FAM227B: variants seen among roughly 807,000 people sequenced by gnomAD.
The protein encoded by FAM227B is family with sequence similarity 227 member B.
FAM227B carries 88 observed loss-of-function variants against 73.8 expected under a neutral mutation model. The ratio of observed to expected loss-of-function variants is 1.19; its 90% CI spans 1.00 to 1.42. FAM227B has a LOEUF of 1.42. Among genes scored for constraint, FAM227B ranks in the 40% most tolerant of loss-of-function variants. The pLI is 0.00. For synonymous variants in FAM227B, 210 were observed against 190.5 expected, an observed-to-expected ratio of 1.10 and a Z score of -0.84; for missense variants, 632 against 590.9, an observed-to-expected ratio of 1.07 and a Z score of -0.72.
intron 15 of FAM227B, chr15:49,329,584 T>C: frequency 1.0e-6 from 1 of 984,254 alleles, no homozygotes; most frequent in Non-Finnish European, 1.2e-6. Flanking sequence ...GCCAATATTC[T>C]ATTTAAAAAT....
chr15:49,579,051 C>G (rs182854774), intron 5 of FAM227B, among the ~76,000 whole-genome samples: 3 of 152,000 alleles, frequency 2.0e-5, no homozygotes, highest in African/African-American at 7.2e-5. Flanking sequence ...AAATGGCCTA[C>G]GAAAAACGTT....
intron 11 of FAM227B, among the ~76,000 whole-genome samples, chr15:49,392,536 G>C (rs1460758604): frequency 1.3e-5 from 2 of 152,122 alleles, no homozygotes; most frequent in Non-Finnish European, 2.9e-5. Flanking sequence ...GTGAGGTTGA[G>C]TAACAAGGCA....
rs142524027 is a variant in FAM227B, at chr15:49,511,288, C to T, written c.875-2940G>A. 2.4e-4 allele frequency among the ~76,000 whole-genome samples: 36 copies of T among 151,788 alleles called. No individual in the cohort carries two copies. The East Asian group carries it at 7.0e-3, about 29-fold the overall frequency. ...GTCTTTATTCTTTTTTGAAAATACA[C>T]ATTAAAGGCCATAAATTACCTTCCA... On this transcript the variant is annotated intron_variant, in intron 10 of 15. Transcript: ENST00000299338.
At chr15:49,527,188 T>A (rs1371547945) in intron 10 of FAM227B, among the ~76,000 whole-genome samples, 3 of 151,936 alleles carry the variant, frequency 2.0e-5, no homozygotes, top group East Asian at 3.8e-4. Context: ...AGATAATGCA[T>A]CACGGTCAAG....
At chr15:49,620,335 A>T (rs564899065) in intron 1 of FAM227B, 1 of 152,328 alleles carries the variant, frequency 6.6e-6, no homozygotes, top group East Asian at 1.9e-4. Context: ...AATTCAGAGT[A>T]GTCAATAAAA....
rs2071092595 is a variant in FAM227B at position 49,541,735 on chromosome 15, G to C, written c.819C>G (p.Leu273=). The C allele has an allele frequency of 6.5e-7, 1 of 1,544,726 alleles. No homozygotes were observed. The highest frequency in any genetic ancestry group is 1.9e-5 in the Admixed American group (1 of 52,788). The part of the protein sequence containing the change: ...FHEAFPESSY[L]FNDEFKEDLG... ...GATCTTCTTTAAATTCATCATTAAA[G>C]AGGTAACTCGATTCTGGAAATGCTT... is the stretch of plus-strand genomic sequence containing the variant. The change falls in exon 10 of 16, where the codon CTC becomes CTG. Residue 273 remains leucine, a synonymous_variant. Coordinates refer to ENST00000299338, the MANE Select transcript of FAM227B (RefSeq NM_152647.3).
chr15:49,361,874 G>A (rs1199152942), intron 13 of FAM227B, among the ~76,000 whole-genome samples: 3 of 152,082 alleles, frequency 2.0e-5, no homozygotes, highest in Non-Finnish European at 2.9e-5. Context: ...CAGTGTATAA[G>A]CATTCCTTTT....
At chr15:49,551,277 GGGAGA>G (rs1476757321) in intron 9 of FAM227B, among the ~76,000 whole-genome samples, 1 of 152,076 alleles carries the variant, frequency 6.6e-6, no homozygotes, top group East Asian at 1.9e-4. Flanking sequence ...GAGAGGGAGA[GGGAGA>G]GGGAGAGGAC....
At chr15:49,489,787 G>GATATATATATATATTTT (rs2056735178) in intron 11 of FAM227B, among the ~76,000 whole-genome samples, 10 of 78,116 alleles carry the variant, frequency 1.3e-4, no homozygotes, top group South Asian at 4.3e-4. Context: ...CAGAACAGGA[G>GATATATATATATATTTT]ATATATATAT....
intron 11 of FAM227B, among the ~76,000 whole-genome samples, chr15:49,382,644 A>G (rs1232062275): frequency 1.3e-5 from 2 of 152,114 alleles, no homozygotes; most frequent in Non-Finnish European, 2.9e-5. Flanking sequence ...CTCAAAATGC[A>G]TATTGTTTTT....
intron 11 of FAM227B, among the ~76,000 whole-genome samples, chr15:49,477,787 C>G (rs2055487982): frequency 1.3e-5 from 2 of 152,174 alleles, no homozygotes; most frequent in Non-Finnish European, 2.9e-5. Context: ...ATTTTGCATT[C>G]CCACTAGTAA....
At chr15:49,545,148 ATTT>A (rs1032711242) in intron 9 of FAM227B, among the ~76,000 whole-genome samples, 1 of 151,564 alleles carries the variant, frequency 6.6e-6, no homozygotes, top group African/African-American at 2.4e-5. Context: ...TTTTTTGGCA[ATTT>A]TTTTATTACT....
At chr15:49,570,326 TA>T (rs1241150997) in intron 8 of FAM227B, among the ~76,000 whole-genome samples, 1 of 151,906 alleles carries the variant, frequency 6.6e-6, no homozygotes, top group Non-Finnish European at 1.5e-5. Flanking sequence ...TCATGTGAGA[TA>T]AAATCTCACA....
intron 13 of FAM227B, among the ~76,000 whole-genome samples, chr15:49,340,712 T>C (rs1049543120): frequency 6.6e-6 from 1 of 152,214 alleles, no homozygotes; most frequent in Non-Finnish European, 1.5e-5. Flanking sequence ...ATTCTGTAGA[T>C]TGTTTATTGA....
chr15:49,577,698 C>T (rs748678421), intron 5 of FAM227B, 34 bp from the exon 6 acceptor site: 1 of 1,359,988 alleles, frequency 7.4e-7, no homozygotes, highest in Non-Finnish European at 1.0e-6. Flanking sequence ...CTTTAAAACT[C>T]TAAATTAAAG....
chr15:49,396,044 G>T, intron 11 of FAM227B: 1 of 452,042 alleles, frequency 2.2e-6, no homozygotes, highest in Non-Finnish European at 4.4e-6. Flanking sequence ...CAGCGTGAGC[G>T]ACGCAGAAGA....
intron 9 of FAM227B, among the ~76,000 whole-genome samples, chr15:49,562,912 G>T (rs2074369945): frequency 6.6e-6 from 1 of 152,018 alleles, no homozygotes; most frequent in African/African-American, 2.4e-5. Context: ...GGCAAAAGCT[G>T]GGAGCATTCC....
intron 10 of FAM227B, among the ~76,000 whole-genome samples, chr15:49,539,436 C>G (rs896223078): frequency 2.0e-5 from 3 of 152,164 alleles, no homozygotes; most frequent in South Asian, 2.1e-4. Context: ...TCAGTGCCCA[C>G]AAAATGGCCA....
chr15:49,448,866 G>C (rs116016535), intron 11 of FAM227B, among the ~76,000 whole-genome samples: 15 of 151,546 alleles, frequency 9.9e-5, no homozygotes, highest in Non-Finnish European at 1.6e-4. Context: ...TTTAGCAGTC[G>C]ATTCCAATAT....
Sources: gnomAD v4.1 joint callset for allele counts (sites outside exome capture counted in the v4.1 genomes callset) on GRCh38, gnomAD v4.1.1 for gene constraint, MANE v1.5 for transcripts, NCBI Gene and HGNC (gene_info 2026-07-23, HGNC 2026-07-21) for gene names.